The following PRKN variants were observed in gnomAD, a reference collection of about 807,000 sequenced individuals.
The protein encoded by PRKN is parkin RBR E3 ubiquitin protein ligase, also known as E3 ubiquitin-protein ligase parkin.
Under a neutral mutation model 59.5 loss-of-function variants are expected in PRKN, and 56 were observed. The ratio of observed to expected loss-of-function variants is 0.94; its 90% CI spans 0.76 to 1.18. The LOEUF is 1.18. PRKN is among the 50% of genes most tolerant of loss of function. The pLI, the probability that PRKN is intolerant of heterozygous loss-of-function variation, is 0.00. For missense variants in PRKN, 657 were observed against 596.4 expected (o/e 1.10, Z -1.06); for synonymous variants, 250 against 222.1 (o/e 1.13, Z -1.12).
In PRKN at chr6:161,400,439, C is replaced by A. The variant is rs12215039; in HGVS notation, c.1084-13562G>T. ...TCTCCTGCCTCAGCCTCCCAAGTAGCTGGAATTACAGGTGTGTGCCACCAC... is the reference window on the plus strand; with the variant it reads ...TCTCCTGCCTCAGCCTCCCAAGTAGATGGAATTACAGGTGTGTGCCACCAC... On this transcript the variant is annotated intron_variant, in intron 9 of 11. Transcript: ENST00000366898. The surrounding 1 kb of genome is among the most constrained non-coding windows in gnomAD (Gnocchi z 4.2). Among the ~76,000 whole-genome samples, 6,748 of 151,980 alleles carry A rather than the reference C, an allele frequency of 0.044. 192 individuals are homozygous for A. Among genetic ancestry groups the A allele is most frequent in the Admixed American group, 0.087 (1,333 of 15,248 alleles).
intron 4 of PRKN, among the ~76,000 whole-genome samples, chr6:162,124,673 GA>G (rs1278675635): frequency 2.6e-5 from 4 of 152,090 alleles, no homozygotes; most frequent in Non-Finnish European, 5.9e-5. Flanking sequence ...AAGCAAGTGA[GA>G]ACTGTCTAAC....
intron 1 of PRKN, among the ~76,000 whole-genome samples, chr6:162,609,235 A>C (rs1782041639): frequency 6.6e-6 from 1 of 152,208 alleles, no homozygotes; most frequent in Non-Finnish European, 1.5e-5. Context: ...CTTGAGCTCA[A>C]GTCTTTTGGT....
chr6:162,367,713 C>T (rs1392591231), intron 2 of PRKN, among the ~76,000 whole-genome samples: 1 of 151,992 alleles, frequency 6.6e-6, no homozygotes, highest in Admixed American at 6.6e-5. Flanking sequence ...TTAGGTACTT[C>T]TTAAGAGTGC....
rs149961539 is a variant in PRKN at position 161,534,888 on chromosome 6, G to A, written c.1083+13966C>T. ...GTACAGCTTAGTTGCTAAAAACAGC[G>A]TGATTTCTAGTGATTGCGGTAGAAG... On this transcript the variant is annotated intron_variant, in intron 9 of 11. Coordinates refer to ENST00000366898, the MANE Select transcript of PRKN (RefSeq NM_004562.3). Among the ~76,000 whole-genome samples the A allele has an allele frequency of 4.6e-5, 7 of 152,328 alleles. No individual in the cohort carries two copies. In the South Asian group the frequency reaches 1.2e-3, roughly 27 times the overall value.
chr6:162,717,808 G>T lies in PRKN; in HGVS notation c.7+9854C>A, dbSNP rs376256014. On this transcript the variant is annotated intron_variant, in intron 1 of 11. Transcript: ENST00000366898. The stretch of plus-strand genomic sequence containing the variant: ...CTTTTATGACCAGAACATGAGCATA[G>T]TATGCTACCATTGAAAATTTATCTG... Among the ~76,000 whole-genome samples the T allele has an allele frequency of 2.0e-5, 3 of 152,264 alleles. No homozygotes were observed. The South Asian group carries it at 6.2e-4, about 32-fold the overall frequency.
intron 10 of PRKN, among the ~76,000 whole-genome samples, chr6:161,368,745 C>T (rs753128191): frequency 4.6e-5 from 7 of 151,622 alleles, no homozygotes; most frequent in Non-Finnish European, 8.8e-5. Flanking sequence ...CCTGGGCCAT[C>T]GCTGCTGCCT....
In PRKN at chr6:161,466,748, C is replaced by G. The variant is rs574734720; in HGVS notation, c.1084-79871G>C. On this transcript the variant is annotated intron_variant, in intron 9 of 11. Coordinates refer to ENST00000366898, the MANE Select transcript of PRKN (RefSeq NM_004562.3). This position sits in a 1 kb window ranked among gnomAD's most constrained non-coding sequence, Gnocchi z 5.0. ...TACAAACAACCCAAGGACAGGCTTT[C>G]TGACAAGTGATTGATAGATTTATTT... Among the ~76,000 whole-genome samples, 310 of 152,278 alleles carry G rather than the reference C, an allele frequency of 2.0e-3. 3 individuals carry two copies. Among genetic ancestry groups the G allele is most frequent in the Middle Eastern group, 0.014 (4 of 294 alleles).
At chr6:162,143,971 G>A (rs1047423793) in intron 4 of PRKN, among the ~76,000 whole-genome samples, 1 of 152,164 alleles carries the variant, frequency 6.6e-6, no homozygotes, top group Non-Finnish European at 1.5e-5. Flanking sequence ...CAGAACGGAT[G>A]GCATATTTGA....
At chr6:162,391,670 A>G (rs1175655908) in intron 2 of PRKN, among the ~76,000 whole-genome samples, 4 of 151,980 alleles carry the variant, frequency 2.6e-5, no homozygotes, top group Non-Finnish European at 5.9e-5. Flanking sequence ...AACATCTGCA[A>G]TGACTTCATC....
intron 1 of PRKN, among the ~76,000 whole-genome samples, chr6:162,632,921 G>A (rs183492151): frequency 6.6e-6 from 1 of 152,108 alleles, no homozygotes; most frequent in Admixed American, 6.5e-5. Context: ...GAAAACATAA[G>A]CAAAGCTGAA....
intron 4 of PRKN, among the ~76,000 whole-genome samples, chr6:162,083,101 C>G (rs899305761): frequency 6.6e-6 from 1 of 151,940 alleles, no homozygotes; most frequent in South Asian, 2.1e-4. Context: ...ATTACAGGTG[C>G]CTGCCAACAC....
At chr6:162,650,867 T>C (rs1778402710) in intron 1 of PRKN, among the ~76,000 whole-genome samples, 1 of 152,180 alleles carries the variant, frequency 6.6e-6, no homozygotes, top group South Asian at 2.1e-4. Flanking sequence ...ATGAGGTTAC[T>C]CACATGTAAG....
intron 10 of PRKN, among the ~76,000 whole-genome samples, chr6:161,382,599 G>T (rs530947195): frequency 6.6e-6 from 1 of 152,168 alleles, no homozygotes. Context: ...ATACGCGGAA[G>T]GAACTGGAAC....
At chr6:161,946,572 T>C (rs1374401336) in intron 6 of PRKN, among the ~76,000 whole-genome samples, 1 of 152,152 alleles carries the variant, frequency 6.6e-6, no homozygotes, top group Non-Finnish European at 1.5e-5. Flanking sequence ...CTGAATCTGC[T>C]GAAGGGGTGT....
chr6:161,554,712 TTGTGTGTGTG>T lies in PRKN; in HGVS notation c.934-5719_934-5710del, dbSNP rs35458503. On this transcript the variant is annotated intron_variant, in intron 8 of 11. Coordinates refer to ENST00000366898, the MANE Select transcript of PRKN (RefSeq NM_004562.3). This position sits in a 1 kb window ranked among gnomAD's most constrained non-coding sequence, Gnocchi z 4.5. Reference sequence around the variant, plus strand: ...TACAATCCTGATATACATACAGGGATTGTGTGTGTGTGTGTGTGTGTGTATATATATATAT... The same window carrying T: ...TACAATCCTGATATACATACAGGGATTGTGTGTGTGTGTATATATATATAT... 7.2e-6 allele frequency among the ~76,000 whole-genome samples: 1 copy of T among 138,876 alleles called. No homozygotes were observed. The highest frequency in any genetic ancestry group is 7.6e-5 in the Admixed American group (1 of 13,146). The allele number at this position is 138,876 out of a possible 152,430, so 91.1% of individuals were successfully genotyped here. A position where few individuals can be genotyped will look rare whatever the true frequency, so the allele number is the denominator to read the frequency against.
At chr6:162,523,776 G>A (rs1562354826) in intron 1 of PRKN, among the ~76,000 whole-genome samples, 1 of 152,086 alleles carries the variant, frequency 6.6e-6, no homozygotes, top group Admixed American at 6.6e-5. Flanking sequence ...CAGCACTTCG[G>A]GAGGCTGAGG....
At chr6:162,284,370 A>T (rs1000162629) in intron 2 of PRKN, among the ~76,000 whole-genome samples, 2 of 151,688 alleles carry the variant, frequency 1.3e-5, no homozygotes, top group Non-Finnish European at 2.9e-5. Flanking sequence ...GATTACAGAC[A>T]TGTGCAACCA....
At chr6:162,530,768 A>G (rs1778477934) in intron 1 of PRKN, among the ~76,000 whole-genome samples, 1 of 152,226 alleles carries the variant, frequency 6.6e-6, no homozygotes, top group Non-Finnish European at 1.5e-5. Context: ...GTAAGTTAAA[A>G]AGTATAAGCC....
At chr6:161,893,535 G>A (rs1451964738) in intron 6 of PRKN, among the ~76,000 whole-genome samples, 3 of 152,156 alleles carry the variant, frequency 2.0e-5, no homozygotes, top group Non-Finnish European at 2.9e-5. Context: ...TACTGTTGCA[G>A]GAACAGAGAC....
Sources: allele counts gnomAD v4.1 joint callset (sites outside exome capture counted in the v4.1 genomes callset), GRCh38; gene constraint gnomAD v4.1.1; non-coding constraint Gnocchi (gnomAD v3.1); transcripts MANE v1.5; gene names NCBI Gene and HGNC (gene_info 2026-07-23, HGNC 2026-07-21).